The following HTR4 variants were observed in gnomAD, a reference collection of about 807,000 sequenced individuals.
HTR4 encodes the protein 5-hydroxytryptamine (serotonin) receptor 4, G protein-coupled.
HTR4 carries 16 observed loss-of-function variants against 36.8 expected under a neutral mutation model. The observed-to-expected ratio is 0.43, with a 90% CI of 0.29 to 0.66. HTR4 has a LOEUF of 0.66. Ranked by LOEUF, HTR4 falls within the 30% of genes least tolerant of loss-of-function variation. The probability of loss-of-function intolerance (pLI) is 0.13; values close to 1 mark genes in which losing one functional copy is unlikely to be tolerated. For missense variants in HTR4, 438 were observed against 490.9 expected, an observed-to-expected ratio of 0.89 and a Z score of 1.02; for synonymous variants, 189 against 185.1, an observed-to-expected ratio of 1.02 and a Z score of -0.17.
intron 1 of HTR4, among the ~76,000 whole-genome samples, chr5:148,640,597 C>A (rs905509781): frequency 6.6e-6 from 1 of 152,158 alleles, no homozygotes; most frequent in Admixed American, 6.6e-5. Context: ...TAATTTGAGG[C>A]TTAAGATCCA....
At chr5:148,520,602 G>A (rs549853116) in intron 5 of HTR4, among the ~76,000 whole-genome samples, 9 of 152,102 alleles carry the variant, frequency 5.9e-5, no homozygotes, top group Non-Finnish European at 1.2e-4. Flanking sequence ...TCCTCTGTTC[G>A]CTGATCTATA....
At chr5:148,607,299 ACAGACTGGACCAGAGTT>A (rs1752212714) in intron 2 of HTR4, among the ~76,000 whole-genome samples, 1 of 152,172 alleles carries the variant, frequency 6.6e-6, no homozygotes, top group Non-Finnish European at 1.5e-5. Flanking sequence ...TGTAGTGGGC[ACAGACTGGACCAGAGTT>A]CAGATACTTC....
At chr5:148,505,440 G>A (rs1757147641) in intron 6 of HTR4, among the ~76,000 whole-genome samples, 1 of 152,132 alleles carries the variant, frequency 6.6e-6, no homozygotes, top group Non-Finnish European at 1.5e-5. Flanking sequence ...AAAACTGGAA[G>A]CATTCCCTTT....
intron 6 of HTR4, among the ~76,000 whole-genome samples, chr5:148,508,318 G>T (rs1037809466): frequency 1.3e-5 from 2 of 152,158 alleles, no homozygotes; most frequent in Non-Finnish European, 2.9e-5. Flanking sequence ...TTTTGCTACA[G>T]GATGAATGTA....
chr5:148,559,491 T>C (rs1760095493), intron 2 of HTR4, among the ~76,000 whole-genome samples: 1 of 152,216 alleles, frequency 6.6e-6, no homozygotes, highest in Non-Finnish European at 1.5e-5. Context: ...TGTTTTTCCT[T>C]ATAACAAATA....
chr5:148,525,327 CT>C (rs201154299), intron 4 of HTR4, among the ~76,000 whole-genome samples: 118 of 151,230 alleles, frequency 7.8e-4, no homozygotes, highest in African/African-American at 2.6e-3. Context: ...GAAATATACT[CT>C]TTTTTTTTCA....
intron 1 of HTR4, 42 bp from the exon 2 acceptor site, chr5:148,637,103 C>T: frequency 1.5e-6 from 2 of 1,331,178 alleles, no homozygotes; most frequent in Non-Finnish European, 1.1e-6. Context: ...AAGAAAGCAG[C>T]ATTGAAAAAT....
intron 6 of HTR4, among the ~76,000 whole-genome samples, chr5:148,485,827 G>A (rs1396294833): frequency 6.6e-6 from 1 of 152,232 alleles, no homozygotes; most frequent in Non-Finnish European, 1.5e-5. Flanking sequence ...AGAAAGCCAT[G>A]TGGTTGGGCA....
At chr5:148,639,590 T>C (rs1252869608) in intron 1 of HTR4, among the ~76,000 whole-genome samples, 1 of 147,732 alleles carries the variant, frequency 6.8e-6, no homozygotes, top group Non-Finnish European at 1.5e-5. Flanking sequence ...GTCTATCCTC[T>C]TTCTCTGTTC....
At chr5:148,570,925 G>T (rs1160045880) in intron 2 of HTR4, among the ~76,000 whole-genome samples, 1 of 151,914 alleles carries the variant, frequency 6.6e-6, no homozygotes, top group Non-Finnish European at 1.5e-5. Flanking sequence ...AACCTATCTA[G>T]AACCTAGTTA....
downstream of HTR4, among the ~76,000 whole-genome samples, chr5:148,471,711 A>G (rs1755571853): frequency 6.6e-6 from 1 of 152,234 alleles, no homozygotes; most frequent in Non-Finnish European, 1.5e-5. Flanking sequence ...ATACAGATTC[A>G]CATTAAAGCA....
At chr5:148,453,334 C>T (rs549072593) in intron 5 of HTR4, among the ~76,000 whole-genome samples, 52 of 152,210 alleles carry the variant, frequency 3.4e-4, no homozygotes, top group Non-Finnish European at 7.3e-5. Flanking sequence ...ATTTTCTCAG[C>T]CCTAGAGCTA....
At chr5:148,559,344 G>A (rs541345679) in intron 2 of HTR4, among the ~76,000 whole-genome samples, 123 of 152,142 alleles carry the variant, frequency 8.1e-4, no homozygotes, top group African/African-American at 2.8e-3. Context: ...TTTATTACTG[G>A]CCATGAACAA....
intron 5 of HTR4, among the ~76,000 whole-genome samples, chr5:148,519,931 G>A (rs1581415991): frequency 6.6e-6 from 1 of 152,148 alleles, no homozygotes; most frequent in Non-Finnish European, 1.5e-5. Context: ...TTTTAGATAA[G>A]CTTCATTCAG....
intron 2 of HTR4, among the ~76,000 whole-genome samples, chr5:148,598,738 T>A (rs1228372002): frequency 6.6e-6 from 1 of 152,118 alleles, no homozygotes; most frequent in East Asian, 1.9e-4. Flanking sequence ...TTAAAGTAAA[T>A]CTACTTTTTA....
At chr5:148,504,195 G>A (rs866927441) in intron 6 of HTR4, among the ~76,000 whole-genome samples, 2 of 152,032 alleles carry the variant, frequency 1.3e-5, no homozygotes, top group Admixed American at 6.6e-5. Context: ...ATATACATTC[G>A]TCTCAGCACC....
chr5:148,492,275 T>C (rs1006520043), intron 6 of HTR4, among the ~76,000 whole-genome samples: 1 of 152,228 alleles, frequency 6.6e-6, no homozygotes, highest in Non-Finnish European at 1.5e-5. Context: ...TATTTTATGT[T>C]GGGTCAAAGA....
chr5:148,608,390 C>T (rs1388383930), intron 2 of HTR4, among the ~76,000 whole-genome samples: 1 of 151,934 alleles, frequency 6.6e-6, no homozygotes, highest in African/African-American at 2.4e-5. Context: ...TTTGGTGGTC[C>T]ACAAAAGCTT....
intron 5 of HTR4, among the ~76,000 whole-genome samples, chr5:148,454,105 A>G (rs1193330866): frequency 1.3e-5 from 2 of 152,178 alleles, no homozygotes; most frequent in Non-Finnish European, 2.9e-5. Context: ...CATGACCCTC[A>G]CTTGAGTCAA....
Sources: allele counts gnomAD v4.1 joint callset (sites outside exome capture counted in the v4.1 genomes callset), GRCh38; gene constraint gnomAD v4.1.1; transcripts MANE v1.5; gene names NCBI Gene and HGNC (gene_info 2026-07-23, HGNC 2026-07-21).